The following PAFAH1B1 variants were observed in gnomAD, a reference collection of about 807,000 sequenced individuals.
PAFAH1B1 encodes the protein platelet-activating factor acetylhydrolase IB subunit beta.
PAFAH1B1 carries 2 observed loss-of-function variants against 57.5 expected under a neutral mutation model. The observed-to-expected ratio is 0.03, with a 90% CI of 0.01 to 0.11. PAFAH1B1 has a LOEUF of 0.11. Ranked by LOEUF, PAFAH1B1 falls within the 10% of genes least tolerant of loss-of-function variation. The probability of loss-of-function intolerance (pLI) is 1.00; values close to 1 mark genes in which losing one functional copy is unlikely to be tolerated. For synonymous variants in PAFAH1B1, 152 were observed against 169.6 expected, an observed-to-expected ratio of 0.90 and a Z score of 0.81; for missense variants, 257 against 512.0, an observed-to-expected ratio of 0.50 and a Z score of 4.81.
chr17:2,658,424 G>A (rs1321945866), intron 2 of PAFAH1B1, among the ~76,000 whole-genome samples: 2 of 152,142 alleles, frequency 1.3e-5, no homozygotes, highest in Non-Finnish European at 2.9e-5. Context: ...ATCGAAATAC[G>A]AGAATGAACA....
intron 1 of PAFAH1B1, among the ~76,000 whole-genome samples, chr17:2,628,107 G>T (rs1217014775): frequency 8.5e-5 from 13 of 152,136 alleles, no homozygotes. Flanking sequence ...AGGACTTCCA[G>T]TACTATGTTG....
At position 2,683,173 on chromosome 17, in the gene PAFAH1B1, A is replaced by G. The variant is rs2069411960; in HGVS notation, c.*1371A>G. ...CTAATTTAGCCGCTCGACATTTTACACAACCCGGATATGTTGTATATTTTG... is the reference window on the plus strand; with the variant it reads ...CTAATTTAGCCGCTCGACATTTTACGCAACCCGGATATGTTGTATATTTTG... On this transcript the variant is annotated 3_prime_UTR_variant, in exon 11 of 11. Coordinates refer to ENST00000397195, the MANE Select transcript of PAFAH1B1 (RefSeq NM_000430.4). 6.6e-6 allele frequency: 1 copy of G among 152,202 alleles called. No individual in the cohort carries two copies. The highest frequency in any genetic ancestry group is 6.5e-5 in the Admixed American group (1 of 15,280). The allele number at this position is 152,202 out of a possible 1,614,324, so 9.4% of individuals were successfully genotyped here.
intron 2 of PAFAH1B1, among the ~76,000 whole-genome samples, chr17:2,654,466 C>T (rs1390164434): frequency 6.6e-6 from 1 of 151,868 alleles, no homozygotes; most frequent in Non-Finnish European, 1.5e-5. Flanking sequence ...TGAGCCACTC[C>T]ACTCGGTCTG....
intron 1 of PAFAH1B1, among the ~76,000 whole-genome samples, chr17:2,611,441 C>G (rs2068265704): frequency 6.6e-6 from 1 of 150,762 alleles, no homozygotes; most frequent in Admixed American, 6.6e-5. Flanking sequence ...GCACTCCAGC[C>G]TGGGTGACAG....
At chr17:2,643,836 A>G (rs2068729721) in intron 2 of PAFAH1B1, among the ~76,000 whole-genome samples, 1 of 152,076 alleles carries the variant, frequency 6.6e-6, no homozygotes, top group South Asian at 2.1e-4. Context: ...TTGGGATTAC[A>G]GGCGTGAGCC....
At chr17:2,606,287 A>G (rs2068203428) in intron 1 of PAFAH1B1, among the ~76,000 whole-genome samples, 3 of 152,140 alleles carry the variant, frequency 2.0e-5, no homozygotes. Context: ...CATTTCATTT[A>G]TGTATCCAAC....
intron 2 of PAFAH1B1, among the ~76,000 whole-genome samples, chr17:2,645,881 G>C (rs2151640330): frequency 1.3e-5 from 2 of 151,972 alleles, no homozygotes; most frequent in South Asian, 4.2e-4. Context: ...TAGGATTACA[G>C]GCATGAGCCA....
intron 2 of PAFAH1B1, among the ~76,000 whole-genome samples, chr17:2,664,027 G>C (rs140100838): frequency 6.6e-6 from 1 of 151,874 alleles, no homozygotes; most frequent in Non-Finnish European, 1.5e-5. Context: ...TGATTTGCCC[G>C]CCTCGGCCTC....
chr17:2,638,773 G>C, intron 2 of PAFAH1B1: 1 of 178,192 alleles, frequency 5.6e-6, no homozygotes, highest in Non-Finnish European at 1.2e-5. Context: ...CTCCCAAAGT[G>C]CTGGGATTAC....
At chr17:2,646,734 A>G (rs2059681071) in intron 2 of PAFAH1B1, among the ~76,000 whole-genome samples, 1 of 152,214 alleles carries the variant, frequency 6.6e-6, no homozygotes, top group Non-Finnish European at 1.5e-5. Context: ...TTGGTTCAAG[A>G]AATAGTAGGA....
At chr17:2,598,494 A>C (rs986839605) in intron 1 of PAFAH1B1, among the ~76,000 whole-genome samples, 4 of 152,048 alleles carry the variant, frequency 2.6e-5, no homozygotes, top group Non-Finnish European at 5.9e-5. Context: ...TCATTATGAC[A>C]GGTAACTTAT....
chr17:2,656,067 C>T (rs886189993), intron 2 of PAFAH1B1, among the ~76,000 whole-genome samples: 5 of 151,996 alleles, frequency 3.3e-5, no homozygotes, highest in African/African-American at 9.7e-5. Context: ...AGACTACAGA[C>T]ATCTGCCACC....
At chr17:2,660,263 G>T (rs533334130) in intron 2 of PAFAH1B1, among the ~76,000 whole-genome samples, 7 of 151,330 alleles carry the variant, frequency 4.6e-5, no homozygotes, top group Admixed American at 1.3e-4. Context: ...TTTAAGTTCC[G>T]GGATACATGT....
rs749320462 is a variant in PAFAH1B1, at chr17:2,638,303, G to A, written c.15G>A (p.Gln5=). 3 of 1,612,798 alleles carry A rather than the reference G, an allele frequency of 1.9e-6. No homozygotes were observed. The highest frequency in any genetic ancestry group is 4.5e-5 in the East Asian group (2 of 44,840). MVLS[Q]RQRDELNRAI... is the part of the protein sequence containing the mutation. ...TTACAGCCAAGATGGTGCTGTCCCA[G>A]AGACAACGAGATGAACTGTAAGTTT... The change falls in exon 2 of 11, where the codon CAG becomes CAA. Residue 5 remains glutamine (Q), a synonymous_variant. Coordinates refer to ENST00000397195, the MANE Select transcript of PAFAH1B1 (RefSeq NM_000430.4).
At chr17:2,650,039 G>T (rs2068827577) in intron 2 of PAFAH1B1, among the ~76,000 whole-genome samples, 1 of 152,144 alleles carries the variant, frequency 6.6e-6, no homozygotes. Context: ...GAAACAAAAG[G>T]AAGACTGGTA....
chr17:2,654,190 C>CTTTTTTTTTTTTTTTTAATTT (rs2068905813), intron 2 of PAFAH1B1, among the ~76,000 whole-genome samples: 1 of 136,248 alleles, frequency 7.3e-6, no homozygotes. Flanking sequence ...TCTTTTAAAC[C>CTTTTTTTTTTTTTTTTAATTT]TTTTTTTTTT....
intron 1 of PAFAH1B1, among the ~76,000 whole-genome samples, chr17:2,611,567 G>A (rs1651100745): frequency 6.6e-6 from 1 of 152,134 alleles, no homozygotes; most frequent in South Asian, 2.1e-4. Flanking sequence ...CAGAAGACCC[G>A]TGAATCAGGA....
chr17:2,680,143 A>G lies in PAFAH1B1; in HGVS notation c.1003-21A>G, dbSNP rs368041872. On this transcript the variant is annotated intron_variant, in intron 9 of 10. Transcript: ENST00000397195. Reference sequence around the variant, plus strand: ...AAACATTTTGCCTTTTACTGAGTCAAATAACTTTTTTGTTTTTAAGGTGGG... The same window carrying G: ...AAACATTTTGCCTTTTACTGAGTCAGATAACTTTTTTGTTTTTAAGGTGGG... 583 of 1,612,582 alleles carry G rather than the reference A, an allele frequency of 3.6e-4. 7 individuals are homozygous for G. In the South Asian group the frequency reaches 5.5e-3, roughly 15 times the overall value.
At chr17:2,671,355 C>T (rs572221459) in intron 6 of PAFAH1B1, among the ~76,000 whole-genome samples, 57 of 151,376 alleles carry the variant, frequency 3.8e-4, no homozygotes, top group Non-Finnish European at 6.9e-4. Flanking sequence ...ATTATAGGCA[C>T]GCGCCACCAC....
Sources: gnomAD v4.1 joint callset for allele counts (sites outside exome capture counted in the v4.1 genomes callset) on GRCh38, gnomAD v4.1.1 for gene constraint, MANE v1.5 for transcripts, NCBI Gene and HGNC (gene_info 2026-07-23, HGNC 2026-07-21) for gene names.